Variants in TTC23 observed in about 807,000 individuals in gnomAD.
TTC23 encodes tetratricopeptide repeat domain 23, also known as tetratricopeptide repeat protein 23.
Under a neutral mutation model 55.1 loss-of-function variants are expected in TTC23, and 58 were observed. The observed-to-expected ratio is 1.05, with a 90% CI of 0.85 to 1.31. TTC23 has a LOEUF of 1.31. Among genes scored for constraint, TTC23 ranks in the 50% most tolerant of loss-of-function variants. TTC23 has a pLI of 0.00. For missense variants in TTC23, 516 were observed against 534.4 expected (o/e 0.97, Z 0.34); for synonymous variants, 203 against 199.9 (o/e 1.02, Z -0.13).
chr15:99,185,858 T>C (rs1476255507), intron 9 of TTC23, among the ~76,000 whole-genome samples: 1 of 152,226 alleles, frequency 6.6e-6, no homozygotes, highest in East Asian at 1.9e-4. Context: ...CAGGACTTGG[T>C]TTATTTTTCT....
intron 4 of TTC23, among the ~76,000 whole-genome samples, chr15:99,231,148 A>G (rs2078901004): frequency 6.6e-6 from 1 of 152,262 alleles, no homozygotes; most frequent in South Asian, 2.1e-4. Flanking sequence ...GCTGCTAGCC[A>G]TATAAAAGTA....
intron 3 of TTC23, among the ~76,000 whole-genome samples, 162 bp downstream of exon 3, chr15:99,241,203 C>A (rs1340182997): frequency 2.6e-5 from 4 of 152,040 alleles, no homozygotes; most frequent in Non-Finnish European, 5.9e-5. Context: ...GTAATCCCAG[C>A]GACTCGGAGG....
intron 13 of TTC23, among the ~76,000 whole-genome samples, chr15:99,138,471 G>A (rs957834960): frequency 4.6e-5 from 7 of 152,134 alleles, no homozygotes; most frequent in South Asian, 2.1e-4. Context: ...ATGCCACCAC[G>A]CCCAGCTAAT....
chr15:99,139,709 C>G (rs1555489298), intron 12 of TTC23: 1 of 1,363,486 alleles, frequency 7.3e-7, no homozygotes, highest in African/African-American at 1.5e-5. Context: ...AGGATGGGCT[C>G]CAGTTTCTAT....
chr15:99,222,951 C>G (rs1338102042), intron 5 of TTC23, among the ~76,000 whole-genome samples: 4 of 152,124 alleles, frequency 2.6e-5, no homozygotes, highest in South Asian at 2.1e-4. Context: ...GAGCCGATAT[C>G]GTGCCACTGC....
At chr15:99,197,296 G>A (rs912655171) in intron 9 of TTC23, among the ~76,000 whole-genome samples, 5 of 151,936 alleles carry the variant, frequency 3.3e-5, no homozygotes, top group Admixed American at 1.3e-4. Flanking sequence ...TAGAGATGGG[G>A]TTTCACCATG....
In TTC23 at chr15:99,191,661, A is replaced by G. The variant is rs577230440; in HGVS notation, c.759+8258T>C. On this transcript the variant is annotated intron_variant, in intron 9 of 13. Coordinates refer to ENST00000394132, the MANE Select transcript of TTC23 (RefSeq NM_001288615.3). ...CACGTGGAACTGTCAGTCCAATTAA[A>G]ACTCTTTCTTCTGTAAATTGCCCAG... is the stretch of plus-strand genomic sequence containing the variant. Among the ~76,000 whole-genome samples, 26 of 152,234 alleles carry G rather than the reference A, an allele frequency of 1.7e-4. No homozygotes were observed. In the South Asian group the frequency reaches 5.2e-3, roughly 30 times the overall value.
At chr15:99,139,646 G>T (rs905164005) in intron 12 of TTC23, 2 of 1,475,618 alleles carry the variant, frequency 1.4e-6, no homozygotes, top group Non-Finnish European at 1.8e-6. Context: ...GCAAAAAATA[G>T]ATTTAAAAGT....
chr15:99,216,095 G>C (rs2077457330), intron 8 of TTC23, among the ~76,000 whole-genome samples: 1 of 152,084 alleles, frequency 6.6e-6, no homozygotes, highest in Non-Finnish European at 1.5e-5. Flanking sequence ...AATAGCTTCA[G>C]GATATATATA....
Position 99,136,814 on chromosome 15 carries a change from T to C in TTC23, c.*1196A>G, listed in dbSNP as rs567464142. Reference sequence around the variant, plus strand: ...CCGACAGGCCTGGGTCTGGGACCAGTGTGTACCAGCAAGCATGGTCTGTGG... The same window carrying C: ...CCGACAGGCCTGGGTCTGGGACCAGCGTGTACCAGCAAGCATGGTCTGTGG... On this transcript the variant is annotated 3_prime_UTR_variant, in exon 14 of 14. Coordinates refer to ENST00000394132, the MANE Select transcript of TTC23 (RefSeq NM_001288615.3). 6.6e-5 allele frequency: 10 copies of C among 152,322 alleles called. No individual in the cohort carries two copies. Among genetic ancestry groups the C allele is most frequent in the African/African-American group, 2.2e-4 (9 of 41,542 alleles). 9.4% of individuals were successfully genotyped at this position (152,322 alleles called of 1,614,324 possible). A position where few individuals can be genotyped will look rare whatever the true frequency, so the allele number is the denominator to read the frequency against.
chr15:99,236,256 G>A (rs2079308185), intron 3 of TTC23, among the ~76,000 whole-genome samples: 1 of 152,098 alleles, frequency 6.6e-6, no homozygotes, highest in African/African-American at 2.4e-5. Flanking sequence ...ATTCCCACTG[G>A]CAGAGCACAA....
chr15:99,145,198 C>T (rs1015525507), intron 12 of TTC23: 7 of 152,198 alleles, frequency 4.6e-5, no homozygotes, highest in Admixed American at 1.3e-4. Flanking sequence ...TGTCCACATT[C>T]GCCACTTCCT....
At position 99,200,040 on chromosome 15, in the gene TTC23, A is replaced by T. The variant is rs368037097; in HGVS notation, c.638T>A (p.Leu213Ter). 5 of 1,613,606 alleles carry T rather than the reference A, an allele frequency of 3.1e-6. No homozygotes were observed. Among genetic ancestry groups the T allele is most frequent in the Non-Finnish European group, 4.2e-6 (5 of 1,179,708 alleles). Residue 213 changes from leucine to a stop codon, truncating the protein, a stop_gained, in exon 9 of 14, where the codon TTG (leucine) becomes TAG (stop). Coordinates refer to ENST00000394132, the MANE Select transcript of TTC23 (RefSeq NM_001288615.3). LOFTEE classifies it high-confidence loss of function. ...ACCTTTACTGATCTCAACATATTCC[A>T]AAGCTGCTTGATAGTGGGACAAAGC... ...KEALSHYQAA[L>*]EYVEISKGET... is the part of the protein sequence containing the mutation.
chr15:99,177,164 C>T (rs115781951), intron 9 of TTC23, among the ~76,000 whole-genome samples: 2,884 of 152,308 alleles, frequency 0.019, 100 homozygotes, highest in African/African-American at 0.065. Context: ...TTAAAATCTG[C>T]TAAGCTACTA....
intron 4 of TTC23, among the ~76,000 whole-genome samples, chr15:99,233,640 T>A (rs1458198985): frequency 2.6e-5 from 4 of 152,154 alleles, no homozygotes; most frequent in African/African-American, 9.7e-5. Flanking sequence ...AACATCAGAC[T>A]TAACAGTGAA....
intron 12 of TTC23, among the ~76,000 whole-genome samples, chr15:99,150,992 T>C (rs1191433738): frequency 6.6e-6 from 1 of 152,194 alleles, no homozygotes; most frequent in Non-Finnish European, 1.5e-5. Context: ...TGTTTTTTTT[T>C]CAGGGCTACT....
intron 9 of TTC23, among the ~76,000 whole-genome samples, chr15:99,187,477 A>AAAAAAAAAAAAAAAC: frequency 6.7e-6 from 1 of 148,292 alleles, no homozygotes; most frequent in Admixed American, 6.7e-5. Flanking sequence ...AACAAAACAA[A>AAAAAAAAAAAAAAAC]AGAAACCCAA....
At chr15:99,155,961 T>C in intron 12 of TTC23, 187 bp downstream of exon 12, 1 of 671,078 alleles carries the variant, frequency 1.5e-6, no homozygotes, top group Non-Finnish European at 2.5e-6. Flanking sequence ...AATATGTATG[T>C]CTAAGAGGCT....
At chr15:99,221,705 G>A (rs756121504) in intron 6 of TTC23, 36 bp downstream of exon 6, 10 of 1,611,574 alleles carry the variant, frequency 6.2e-6, no homozygotes, top group Admixed American at 3.3e-5. Flanking sequence ...AGCAGAAATC[G>A]ACCAACTGAT....
Sources: gnomAD v4.1 joint callset for allele counts (sites outside exome capture counted in the v4.1 genomes callset) on GRCh38, gnomAD v4.1.1 for gene constraint, MANE v1.5 for transcripts, NCBI Gene and HGNC (gene_info 2026-07-23, HGNC 2026-07-21) for gene names.